The following L2HGDH variants were observed in gnomAD, a reference collection of about 807,000 sequenced individuals.
L2HGDH encodes L-2-hydroxyglutarate dehydrogenase, also known as L-2-hydroxyglutarate dehydrogenase, mitochondrial.
In L2HGDH, 34 loss-of-function variants were observed where a neutral mutation model predicts 51.5. The ratio of observed to expected loss-of-function variants is 0.66; its 90% confidence interval spans 0.50 to 0.88. The LOEUF is 0.88. L2HGDH is among the 40% of genes least tolerant of loss of function. L2HGDH has a pLI of 0.00. For synonymous variants in L2HGDH, 198 were observed against 197.9 expected (o/e 1.00, Z -0.01); for missense variants, 558 against 571.9 (o/e 0.98, Z 0.25).
chr14:50,262,049 T>G (rs1889055701), intron 9 of L2HGDH, among the ~76,000 whole-genome samples: 1 of 152,208 alleles, frequency 6.6e-6, no homozygotes, highest in Admixed American at 6.5e-5. Flanking sequence ...TGATGTGCTT[T>G]CACTGCAATA....
chr14:50,262,428 CAAA>C (rs10710877), intron 9 of L2HGDH, among the ~76,000 whole-genome samples: 16 of 113,548 alleles, frequency 1.4e-4, no homozygotes, highest in South Asian at 2.9e-4. Context: ...GACTCTGTCT[CAAA>C]AAAAAAAAAA....
intron 3 of L2HGDH, among the ~76,000 whole-genome samples, chr14:50,298,929 A>C (rs2030245231): frequency 3.3e-5 from 5 of 152,186 alleles, no homozygotes; most frequent in Admixed American, 3.3e-4. Flanking sequence ...AAAAAACTAG[A>C]AAAGCAAGAG....
At chr14:50,286,772 T>G (rs1238804093) in intron 4 of L2HGDH, among the ~76,000 whole-genome samples, 1 of 152,204 alleles carries the variant, frequency 6.6e-6, no homozygotes, top group Admixed American at 6.5e-5. Flanking sequence ...ATTTTACTCA[T>G]TCATCTTTCA....
intron 5 of L2HGDH, among the ~76,000 whole-genome samples, chr14:50,279,719 A>G (rs558531735): frequency 2.3e-4 from 35 of 151,844 alleles, no homozygotes; most frequent in African/African-American, 8.2e-4. Flanking sequence ...AGTAAAGAGG[A>G]AAAAGCATAT....
rs556011119 is a variant in L2HGDH, at chr14:50,255,608, G to A, written c.1197-8355C>T. Among the ~76,000 whole-genome samples, 28 of 152,008 alleles carry A rather than the reference G, an allele frequency of 1.8e-4. 1 individual carries two copies. The highest frequency in any genetic ancestry group is 8.3e-4 in the South Asian group (4 of 4,814). The stretch of plus-strand genomic sequence containing the variant: ...AACATAAACCATAAATGTCTTGAGG[G>A]CAAGTATGGTGTCAACACCCCTACA... On this transcript the variant is annotated intron_variant, in intron 9 of 9. Coordinates refer to ENST00000267436, the MANE Select transcript of L2HGDH (RefSeq NM_024884.3).
At chr14:50,262,160 G>A (rs1439529994) in intron 9 of L2HGDH, among the ~76,000 whole-genome samples, 2 of 152,110 alleles carry the variant, frequency 1.3e-5, no homozygotes, top group Non-Finnish European at 2.9e-5. Flanking sequence ...TTGGCCAGGC[G>A]CATTGGCTCA....
chr14:50,261,591 T>C (rs909400953), intron 9 of L2HGDH, among the ~76,000 whole-genome samples: 2 of 152,186 alleles, frequency 1.3e-5, no homozygotes, highest in African/African-American at 4.8e-5. Context: ...CAAGGGATCT[T>C]GCCACTTAAG....
At chr14:50,307,897 G>A (rs1317071858) in intron 1 of L2HGDH, among the ~76,000 whole-genome samples, 1 of 151,638 alleles carries the variant, frequency 6.6e-6, no homozygotes, top group Non-Finnish European at 1.5e-5. Context: ...CAAAATCTTG[G>A]GACTTAGAGT....
At chr14:50,304,703 C>G (rs566085498) in intron 1 of L2HGDH, among the ~76,000 whole-genome samples, 1 of 152,200 alleles carries the variant, frequency 6.6e-6, no homozygotes, top group African/African-American at 2.4e-5. Flanking sequence ...GGCGTGGTGG[C>G]GGGCACCTGT....
intron 9 of L2HGDH, among the ~76,000 whole-genome samples, chr14:50,258,398 AT>A (rs561602630): frequency 1.4e-4 from 22 of 151,968 alleles, no homozygotes; most frequent in Non-Finnish European, 2.6e-4. Context: ...TTTTAAAAAT[AT>A]TTTTTTAGAG....
intron 4 of L2HGDH, 60 bp downstream of exon 4, chr14:50,294,055 T>G: frequency 1.9e-6 from 3 of 1,584,914 alleles, no homozygotes; most frequent in Non-Finnish European, 2.6e-6. Context: ...ACACTCACCC[T>G]CAGCCTCCAT....
At chr14:50,306,137 A>G (rs895639183) in intron 1 of L2HGDH, among the ~76,000 whole-genome samples, 1 of 149,928 alleles carries the variant, frequency 6.7e-6, no homozygotes, top group Non-Finnish European at 1.5e-5. Flanking sequence ...TGCAACCTCC[A>G]GCTCCCGGAT....
At chr14:50,282,734 C>T (rs1890341163) in intron 5 of L2HGDH, among the ~76,000 whole-genome samples, 1 of 152,086 alleles carries the variant, frequency 6.6e-6, no homozygotes, top group Admixed American at 6.6e-5. Context: ...TGGAAAGGAC[C>T]AAGTGCTTAA....
chr14:50,270,971 C>T (rs756710509), intron 6 of L2HGDH, among the ~76,000 whole-genome samples: 1 of 152,174 alleles, frequency 6.6e-6, no homozygotes, highest in Non-Finnish European at 1.5e-5. Context: ...ATTAGCTAGA[C>T]TAAGCCATGA....
chr14:50,310,064 AAC>A (rs369927410), intron 1 of L2HGDH, among the ~76,000 whole-genome samples: 12 of 151,342 alleles, frequency 7.9e-5, no homozygotes, highest in East Asian at 1.9e-4. Flanking sequence ...CATAGAACTA[AAC>A]ACACACACAC....
At chr14:50,277,648 C>T (rs1264123294) in intron 6 of L2HGDH, among the ~76,000 whole-genome samples, 2 of 151,700 alleles carry the variant, frequency 1.3e-5, no homozygotes, top group African/African-American at 2.4e-5. Context: ...TGGTGGCGGG[C>T]GCCTGTCCCA....
chr14:50,250,030 T>C (rs1198670860), intron 9 of L2HGDH, among the ~76,000 whole-genome samples: 1 of 151,794 alleles, frequency 6.6e-6, no homozygotes, highest in African/African-American at 2.4e-5. Context: ...GCCTTCCAAG[T>C]AGCTGGGATT....
At chr14:50,259,924 T>C (rs1000314150) in intron 9 of L2HGDH, among the ~76,000 whole-genome samples, 1 of 151,012 alleles carries the variant, frequency 6.6e-6, no homozygotes, top group African/African-American at 2.4e-5. Context: ...GTCTCTCTAA[T>C]TTACTTGAAT....
intron 4 of L2HGDH, among the ~76,000 whole-genome samples, chr14:50,286,962 G>C (rs1268254687): frequency 2.0e-5 from 3 of 152,072 alleles, no homozygotes; most frequent in African/African-American, 7.2e-5. Flanking sequence ...TCTATCTACA[G>C]TGCCTAACAT....
Sources: gnomAD v4.1 joint callset for allele counts (sites outside exome capture counted in the v4.1 genomes callset) on GRCh38, gnomAD v4.1.1 for gene constraint, MANE v1.5 for transcripts, NCBI Gene and HGNC (gene_info 2026-07-23, HGNC 2026-07-21) for gene names.